The following ABLIM3 variants were observed in gnomAD, a reference collection of about 807,000 sequenced individuals.
ABLIM3 encodes actin-binding LIM protein 3.
In ABLIM3, 61 loss-of-function variants were observed where a neutral mutation model predicts 109.5. The ratio of observed to expected loss-of-function variants is 0.56; its 90% CI spans 0.45 to 0.69. ABLIM3 has a LOEUF of 0.69. Ranked by LOEUF, ABLIM3 falls within the 30% of genes least tolerant of loss-of-function variation. The probability of loss-of-function intolerance (pLI) is 0.00; values close to 1 mark genes in which losing one functional copy is unlikely to be tolerated. For synonymous variants in ABLIM3, 300 were observed against 324.8 expected (o/e 0.92, Z 0.82); for missense variants, 796 against 889.5 (o/e 0.89, Z 1.34).
chr5:149,208,222 A>G (rs940326468), intron 6 of ABLIM3, among the ~76,000 whole-genome samples: 8 of 152,230 alleles, frequency 5.3e-5, no homozygotes, highest in Admixed American at 2.0e-4. Context: ...AAAAGCAAAA[A>G]TAGGAGTTTA....
chr5:149,233,551 G>A (rs145521214), intron 10 of ABLIM3, among the ~76,000 whole-genome samples: 46 of 152,294 alleles, frequency 3.0e-4, no homozygotes, highest in African/African-American at 1.0e-3. Context: ...CATGGAGCAC[G>A]AGAAAGAAAG....
chr5:149,248,871 CA>C (rs1753661227), intron 18 of ABLIM3, among the ~76,000 whole-genome samples: 1 of 63,470 alleles, frequency 1.6e-5, no homozygotes, highest in Non-Finnish European at 5.0e-5. Context: ...CACACACACA[CA>C]CACACACACA....
Position 149,259,533 on chromosome 5 carries a change from C to T in ABLIM3, c.*1129C>T. On this transcript the variant is annotated 3_prime_UTR_variant, in exon 24 of 24. Coordinates refer to ENST00000309868, the MANE Select transcript of ABLIM3 (RefSeq NM_014945.5). ...TCCTCGGCTCCTGCTGCAAAGTTGG[C>T]CATGTTTCACAGGGAAACTTTTGGA... 6.5e-7 allele frequency: 1 copy of T among 1,536,254 alleles called. No individual in the cohort carries two copies. The highest frequency in any genetic ancestry group is 8.7e-7 in the Non-Finnish European group (1 of 1,146,930).
intron 6 of ABLIM3, 85 bp downstream of exon 6, chr5:149,207,219 G>C: frequency 6.6e-7 from 1 of 1,523,234 alleles, no homozygotes; most frequent in Non-Finnish European, 8.9e-7. Context: ...TACATCTCCA[G>C]CATCATCTCC....
At chr5:149,255,503 G>A (rs1399044311) in intron 23 of ABLIM3, among the ~76,000 whole-genome samples, 1 of 152,214 alleles carries the variant, frequency 6.6e-6, no homozygotes, top group Admixed American at 6.5e-5. Flanking sequence ...AGTTAAAGGA[G>A]AGAAGAGAAG....
intron 3 of ABLIM3, among the ~76,000 whole-genome samples, chr5:149,187,319 G>A (rs777264294): frequency 6.6e-5 from 10 of 152,146 alleles, no homozygotes; most frequent in East Asian, 3.8e-4. Context: ...TCAAAGAGCC[G>A]ATCTTAAAAG....
intron 2 of ABLIM3, among the ~76,000 whole-genome samples, chr5:149,167,713 C>T (rs1754957961): frequency 6.6e-6 from 1 of 152,140 alleles, no homozygotes; most frequent in African/African-American, 2.4e-5. Context: ...CGTCCCTGCC[C>T]TCATCAAGCT....
chr5:149,230,776 T>C (rs1761778034), intron 9 of ABLIM3, 69 bp downstream of exon 9: 1 of 1,566,872 alleles, frequency 6.4e-7, no homozygotes, highest in East Asian at 2.2e-5. Context: ...CTAAGGGAGC[T>C]GTGCTTTGGG....
In ABLIM3 at chr5:149,258,412, C is replaced by T. The variant is rs1247453129; in HGVS notation, c.*8C>T. 1.2e-6 allele frequency: 2 copies of T among 1,612,264 alleles called. No homozygotes were observed. The highest frequency in any genetic ancestry group is 1.7e-6 in the Non-Finnish European group (2 of 1,179,474). On this transcript the variant is annotated 3_prime_UTR_variant, in exon 24 of 24. Transcript: ENST00000309868. ...CAAGCCCGGCTGTTCTAGGCAGAGG[C>T]TCTATAAATATATATGCATTTATAT...
At chr5:149,240,575 T>C in intron 13 of ABLIM3, 101 bp from the exon 14 acceptor site, 1 of 912,594 alleles carries the variant, frequency 1.1e-6, no homozygotes, top group South Asian at 1.4e-5. Flanking sequence ...ATCCCCCATC[T>C]CTGCTGTCAT....
chr5:149,162,155 T>C (rs1754434300), intron 2 of ABLIM3, among the ~76,000 whole-genome samples: 1 of 152,216 alleles, frequency 6.6e-6, no homozygotes, highest in Non-Finnish European at 1.5e-5. Context: ...CTTCCTCCCT[T>C]GACTGTTCTT....
At chr5:149,164,168 C>G (rs1358361595) in intron 2 of ABLIM3, 1 of 152,142 alleles carries the variant, frequency 6.6e-6, no homozygotes, top group East Asian at 1.9e-4. Context: ...TCCATTACAG[C>G]GTTGTTTAGC....
intron 14 of ABLIM3, among the ~76,000 whole-genome samples, chr5:149,241,574 C>T (rs1266655845): frequency 6.6e-6 from 1 of 152,170 alleles, no homozygotes; most frequent in Non-Finnish European, 1.5e-5. Context: ...ACCTGTCCAA[C>T]ATGGTGAAAC....
At chr5:149,159,734 C>A (rs1184915249) in intron 2 of ABLIM3, among the ~76,000 whole-genome samples, 1 of 152,168 alleles carries the variant, frequency 6.6e-6, no homozygotes, top group Admixed American at 6.5e-5. Flanking sequence ...TATGTAACAC[C>A]TGTAAAAATT....
intron 22 of ABLIM3, chr5:149,252,555 G>A (rs1332515158): frequency 3.5e-6 from 2 of 575,834 alleles, no homozygotes; most frequent in Non-Finnish European, 6.2e-6. Context: ...GTAGTATTAG[G>A]GGACTCTCTT....
At chr5:149,154,487 T>C (rs1268863945) in intron 2 of ABLIM3, among the ~76,000 whole-genome samples, 4 of 152,198 alleles carry the variant, frequency 2.6e-5, no homozygotes, top group Admixed American at 2.0e-4. Flanking sequence ...TTCCTTAGAC[T>C]CAGACTAATG....
intron 18 of ABLIM3, among the ~76,000 whole-genome samples, chr5:149,248,869 CA>C (rs1753660484): frequency 1.8e-5 from 1 of 55,618 alleles, no homozygotes; most frequent in Non-Finnish European, 5.0e-5. Context: ...GACACACACA[CA>C]CACACACACA....
At position 149,247,843 on chromosome 5, in the gene ABLIM3, A is replaced by G. The variant is rs904630965; in HGVS notation, c.1613A>G (p.Tyr538Cys). ...GAAATGAAGGCCCGGTCGAGCTCCT[A>G]TGCAGATCCCTGGACCCCTCCCCGG... ...KEEMKARSSSYADPWTPPRSS... is the reference protein window; with the variant it reads ...KEEMKARSSSCADPWTPPRSS... The change falls in exon 18 of 24, where the codon TAT becomes TGT. Residue 538 changes from tyrosine to cysteine, a missense_variant. By Grantham distance (194) the Tyr-to-Cys change is radical (BLOSUM62 -2). Transcript: ENST00000309868. 52 of 1,614,144 alleles carry G rather than the reference A, an allele frequency of 3.2e-5. 1 individual carries two copies. The highest frequency in any genetic ancestry group is 5.0e-5 in the Admixed American group (3 of 60,008).
rs1319618007 is a variant in ABLIM3, at chr5:149,141,525, C to A, written c.-217C>A. On this transcript the variant is annotated 5_prime_UTR_variant, in exon 1 of 24. Transcript: ENST00000309868. ...GCGCTGCCAACCCGCGAGCCCGCATCATGGATGTCGAGCTCCCCTATTTCG... is the reference window on the plus strand; with the variant it reads ...GCGCTGCCAACCCGCGAGCCCGCATAATGGATGTCGAGCTCCCCTATTTCG... 3.3e-5 allele frequency: 5 copies of A among 152,760 alleles called. No homozygotes were observed. The highest frequency in any genetic ancestry group is 1.2e-4 in the African/African-American group (5 of 41,410). 9.5% of individuals were successfully genotyped at this position (152,760 alleles called of 1,614,324 possible). A position where few individuals can be genotyped will look rare whatever the true frequency, so the allele number is the denominator to read the frequency against.
Sources: gnomAD v4.1 joint callset for allele counts (sites outside exome capture counted in the v4.1 genomes callset) on GRCh38, gnomAD v4.1.1 for gene constraint, MANE v1.5 for transcripts, NCBI Gene and HGNC (gene_info 2026-07-23, HGNC 2026-07-21) for gene names.